The following HOXB3 variants were observed in gnomAD, a reference collection of about 807,000 sequenced individuals.
The protein encoded by HOXB3 is homeobox B3.
A neutral mutation model predicts 29.2 loss-of-function variants in HOXB3; 17 were observed. The ratio of observed to expected loss-of-function variants is 0.58; its 90% CI spans 0.40 to 0.87. The LOEUF is 0.87. HOXB3 is among the 40% of genes least tolerant of loss of function. HOXB3 has a pLI of 0.00. For synonymous variants in HOXB3, 317 were observed against 285.9 expected (o/e 1.11, Z -1.10); for missense variants, 637 against 616.3 (o/e 1.03, Z -0.35).
chr17:48,559,479 T>C, intron 2 of HOXB3: 1 of 152,424 alleles, frequency 6.6e-6, no homozygotes. Context: ...TGGCCCTGTC[T>C]GGGTTCCCAG....
rs1225366357 is a variant in HOXB3 at position 48,551,165 on chromosome 17, G to A, written c.465C>T (p.Gly155=). 1.6e-6 allele frequency: 2 copies of A among 1,288,226 alleles called. No homozygotes were observed. The highest frequency in any genetic ancestry group is 2.0e-6 in the Non-Finnish European group (2 of 1,016,672). 79.8% of individuals were successfully genotyped at this position (1,288,226 alleles called of 1,614,324 possible). Residue 155 remains glycine (G), a synonymous_variant, in exon 5 of 5, where the codon GGC becomes GGT. Transcript: ENST00000498678. The part of the protein sequence containing the change: ...NSPGTAEGCG[G]GGGGGGGGGS... ...CTCCGCCGCCGCCGCCACCGCCGCCGCCACCACAGCCCTCTGCTGGATCCG... is the reference window on the plus strand; with the variant it reads ...CTCCGCCGCCGCCGCCACCGCCGCCACCACCACAGCCCTCTGCTGGATCCG...
intron 1 of HOXB3, chr17:48,580,780 G>T (rs1240164778): frequency 6.6e-6 from 1 of 152,170 alleles, no homozygotes; most frequent in East Asian, 1.9e-4. Flanking sequence ...CCCCAGACGG[G>T]TCCTTTCCTT....
At chr17:48,574,057 AAAG>A in intron 1 of HOXB3, 43 bp from the exon 2 acceptor site, 1 of 586,656 alleles carries the variant, frequency 1.7e-6, no homozygotes, top group Non-Finnish European at 3.0e-6. Context: ...TATTTAAAGA[AAAG>A]AAGTGATTAA....
At position 48,553,751 on chromosome 17, in the gene HOXB3, A is replaced by G. The variant is rs79792236; in HGVS notation, c.-158-1119T>C. Reference sequence around the variant, plus strand: ...ATACAGCCTTTTAAAAGTGTGCCAGAAAAATAAAGATTCAAACTAACATAG... The same window carrying G: ...ATACAGCCTTTTAAAAGTGTGCCAGGAAAATAAAGATTCAAACTAACATAG... On this transcript the variant is annotated intron_variant, in intron 3 of 4. Transcript: ENST00000498678. 3.6e-4 allele frequency: 54 copies of G among 151,740 alleles called. No homozygotes were observed. The East Asian group carries it at 6.8e-3, about 19-fold the overall frequency. The allele number at this position is 151,740 out of a possible 1,614,324, so 9.4% of individuals were successfully genotyped here. A position where few individuals can be genotyped will look rare whatever the true frequency, so the allele number is the denominator to read the frequency against.
At chr17:48,584,464 G>A (rs1448149092) in intron 1 of HOXB3, among the ~76,000 whole-genome samples, 1 of 152,180 alleles carries the variant, frequency 6.6e-6, no homozygotes, top group African/African-American at 2.4e-5. Context: ...CCCAGGGGTG[G>A]AGGATTGAAA....
intron 3 of HOXB3, chr17:48,553,224 C>T (rs917326404): frequency 6.6e-6 from 1 of 152,390 alleles, no homozygotes; most frequent in Non-Finnish European, 1.5e-5. Context: ...ACAGCCTGAC[C>T]TAGAAACTTC....
intron 2 of HOXB3, among the ~76,000 whole-genome samples, chr17:48,572,143 C>T (rs917592171): frequency 1.3e-5 from 2 of 152,176 alleles, no homozygotes; most frequent in Non-Finnish European, 2.9e-5. Context: ...TCACCTATTT[C>T]TTAAAAGTTT....
At chr17:48,575,539 A>G (rs2144877814) in intron 1 of HOXB3, 1 of 152,576 alleles carries the variant, frequency 6.6e-6, no homozygotes, top group Non-Finnish European at 1.5e-5. Context: ...ATTTATTTCT[A>G]TTGTCACTCT....
chr17:48,576,866 G>A (rs1214641674), intron 1 of HOXB3: 1 of 1,614,242 alleles, frequency 6.2e-7, no homozygotes, highest in Non-Finnish European at 8.5e-7. Context: ...TCTTGATCTG[G>A]CGCTCGGAGA....
chr17:48,585,514 T>C lies in HOXB3; in HGVS notation c.-425+4611A>G, dbSNP rs573951978. Among the ~76,000 whole-genome samples the C allele has an allele frequency of 1.2e-4, 19 of 152,318 alleles. No homozygotes were observed. In the East Asian group the frequency reaches 3.5e-3, roughly 28 times the overall value. ...CGCTGACGCCTCAGAGGCCCCAGCC[T>C]GGCTGTGAACTTGGTCTAAGGCGGA... On this transcript the variant is annotated intron_variant, in intron 1 of 4. Coordinates refer to ENST00000498678, the MANE Select transcript of HOXB3 (RefSeq NM_001384749.1).
intron 2 of HOXB3, among the ~76,000 whole-genome samples, chr17:48,569,521 C>T (rs1174204668): frequency 3.9e-5 from 6 of 152,090 alleles, no homozygotes. Flanking sequence ...GGGGTGGGCT[C>T]AGAGCCCTTC....
rs374731560 is a variant in HOXB3, at chr17:48,550,482, T to C, written c.1148A>G (p.Asn383Ser). The change falls in exon 5 of 5, where the codon AAC becomes AGC. Residue 383 changes from asparagine (N) to serine (S), a missense_variant. Physicochemically the swap from Asn to Ser is conservative, Grantham distance 46 (BLOSUM62 1). Transcript: ENST00000498678. ...LNHLSHHPSG[N>S]LDYNGAPPMA... ...AGGGGGCGCCCCGTTGTAGTCCAGGTTCCCGGAAGGGTGATGGGAAAGGTG... is the reference window on the plus strand; with the variant it reads ...AGGGGGCGCCCCGTTGTAGTCCAGGCTCCCGGAAGGGTGATGGGAAAGGTG... The C allele has an allele frequency of 6.8e-5, 109 of 1,609,084 alleles. No individual in the cohort carries two copies. Among genetic ancestry groups the C allele is most frequent in the Admixed American group, 3.0e-4 (18 of 59,100 alleles).
At position 48,551,100 on chromosome 17, in the gene HOXB3, C is replaced by A. The variant is rs1470754278; in HGVS notation, c.530G>T (p.Gly177Val). 4 of 1,391,358 alleles carry A rather than the reference C, an allele frequency of 2.9e-6. No individual in the cohort carries two copies. Among genetic ancestry groups the A allele is most frequent in the Non-Finnish European group, 3.7e-6 (4 of 1,070,152 alleles). 86.2% of individuals were successfully genotyped at this position (1,391,358 alleles called of 1,614,324 possible). ...CGACCCCGGGGGGCTCTTGTCCCCT[C>A]CCCCGCCGCCGCCGCCACCGCCCCC... ...GSGGGGGGGG[G>V]GDKSPPGSAA... The change falls in exon 5 of 5, where the codon GGA becomes GTA. Residue 177 changes from glycine (G) to valine (V), a missense_variant. By Grantham distance (109) the Gly-to-Val change is moderately radical. Transcript: ENST00000498678.
intron 2 of HOXB3, among the ~76,000 whole-genome samples, chr17:48,556,014 C>T (rs2068975202): frequency 6.6e-6 from 1 of 152,030 alleles, no homozygotes; most frequent in African/African-American, 2.4e-5. Flanking sequence ...AGCTCACACC[C>T]CCCCACCTCT....
Position 48,552,424 on chromosome 17 carries a change from G to A in HOXB3, c.51C>T (p.Gly17=), listed in dbSNP as rs991520997. Residue 17 remains glycine, a synonymous_variant, in exon 4 of 5, where the codon GGC becomes GGT. Coordinates refer to ENST00000498678, the MANE Select transcript of HOXB3 (RefSeq NM_001384749.1). ...YDNAAAALFG[G]YSSYPGSNGF... The stretch of plus-strand genomic sequence containing the variant: ...CATTGCTGCCAGGGTACGAGGAATA[G>A]CCTCCGAAGAGAGCAGCCGCGGCGT... 6.2e-7 allele frequency: 1 copy of A among 1,605,204 alleles called. No individual in the cohort carries two copies.
rs749556140 is a variant in HOXB3 at position 48,552,023 on chromosome 17, G to A, written c.448+4C>T. Reference sequence around the variant, plus strand: ...TGAGGACAAGGAAGGCAGAGAACTGGTACCTGTGCCGGGGGAGTTGTTTTT... The same window carrying A: ...TGAGGACAAGGAAGGCAGAGAACTGATACCTGTGCCGGGGGAGTTGTTTTT... On this transcript the variant is annotated splice_donor_region_variant and intron_variant, in intron 4 of 4. Coordinates refer to ENST00000498678, the MANE Select transcript of HOXB3 (RefSeq NM_001384749.1). The A allele has an allele frequency of 6.4e-7, 1 of 1,561,818 alleles. No homozygotes were observed. The highest frequency in any genetic ancestry group is 8.7e-7 in the Non-Finnish European group (1 of 1,149,020).
At chr17:48,570,718 T>G (rs756223903) in intron 2 of HOXB3, among the ~76,000 whole-genome samples, 8 of 152,188 alleles carry the variant, frequency 5.3e-5, no homozygotes. Context: ...GAATCTGCTC[T>G]GGCCTCATGG....
Position 48,551,363 on chromosome 17 carries a change from C to G in HOXB3, c.449-182G>C, listed in dbSNP as rs565957975. On this transcript the variant is annotated intron_variant, in intron 4 of 4. Transcript: ENST00000498678. ...CCCACCCCACCGCCCGTCGCATTAG[C>G]GGACACTCTATAATAGTGGCATTTA... 4 of 588,772 alleles carry G rather than the reference C, an allele frequency of 6.8e-6. No homozygotes were observed. The East Asian group carries it at 1.3e-4, about 19-fold the overall frequency. 36.5% of individuals were successfully genotyped at this position (588,772 alleles called of 1,614,324 possible). A position where few individuals can be genotyped will look rare whatever the true frequency, so the allele number is the denominator to read the frequency against.
chr17:48,582,527 G>T (rs75145990), intron 1 of HOXB3: 1 of 152,116 alleles, frequency 6.6e-6, no homozygotes, highest in Admixed American at 6.5e-5. Flanking sequence ...ACAGCTAGGC[G>T]CGTCACGAGG....
Sources: allele counts gnomAD v4.1 joint callset (sites outside exome capture counted in the v4.1 genomes callset), GRCh38; gene constraint gnomAD v4.1.1; transcripts MANE v1.5; gene names NCBI Gene and HGNC (gene_info 2026-07-23, HGNC 2026-07-21).